The following HGSNAT variants were observed in gnomAD, a reference collection of about 807,000 sequenced individuals.
The protein encoded by HGSNAT is heparan-alpha-glucosaminide N-acetyltransferase.
A neutral mutation model predicts 85.2 loss-of-function variants in HGSNAT; 59 were observed. That is an observed-to-expected ratio of 0.69 (90% CI 0.56 to 0.86). The LOEUF is 0.86. HGSNAT is among the 40% of genes least tolerant of loss of function. The pLI is 0.00. For synonymous variants in HGSNAT, 321 were observed against 304.5 expected (o/e 1.05, Z -0.56); for missense variants, 756 against 777.1 (o/e 0.97, Z 0.32).
At chr8:43,160,779 C>T (rs896928955) in intron 4 of HGSNAT, among the ~76,000 whole-genome samples, 2 of 152,176 alleles carry the variant, frequency 1.3e-5, no homozygotes, top group Admixed American at 1.3e-4. Flanking sequence ...GAGGTAGGAT[C>T]CCACACTGCA....
chr8:43,152,408 G>A, intron 2 of HGSNAT, among the ~76,000 whole-genome samples: 1 of 152,108 alleles, frequency 6.6e-6, no homozygotes, highest in East Asian at 1.9e-4. Flanking sequence ...AAATACATAA[G>A]GTAGAAAATG....
chr8:43,146,990 C>G lies in HGSNAT; in HGVS notation c.161C>G (p.Ala54Gly), dbSNP rs564788750. The change falls in exon 2 of 18, where the codon GCT (alanine) becomes GGT (glycine). Residue 54 changes from alanine (A) to glycine (G), a missense_variant. Ala to Gly is a moderately conservative substitution (Grantham distance 60, BLOSUM62 0). Coordinates refer to ENST00000379644, the MANE Select transcript of HGSNAT (RefSeq NM_152419.3). Reference sequence around the variant, plus strand: ...CATGCAGAGCTGAAGATGGATCAGGCTTTGCTACTCATCCATAATGAACTT... The same window carrying G: ...CATGCAGAGCTGAAGATGGATCAGGGTTTGCTACTCATCCATAATGAACTT... ...KRHAELKMDQ[A>G]LLLIHNELLW... is the part of the protein sequence containing the mutation. 2 of 1,608,696 alleles carry G rather than the reference C, an allele frequency of 1.2e-6. No individual in the cohort carries two copies. The highest frequency in any genetic ancestry group is 1.7e-6 in the Non-Finnish European group (2 of 1,178,250).
At chr8:43,142,524 T>C (rs923668694) in intron 1 of HGSNAT, among the ~76,000 whole-genome samples, 3 of 152,142 alleles carry the variant, frequency 2.0e-5, no homozygotes, top group African/African-American at 7.2e-5. Flanking sequence ...AAAAAAGGTG[T>C]CAAAATCCGC....
At chr8:43,158,463 A>T in intron 2 of HGSNAT, 112 bp from the exon 3 acceptor site, 1 of 1,067,870 alleles carries the variant, frequency 9.4e-7, no homozygotes, top group Non-Finnish European at 1.4e-6. Flanking sequence ...GTTTTTTTAT[A>T]AGTATGAAGG....
rs1407769947 is a variant in HGSNAT, at chr8:43,180,093, G to T, written c.1012+1859G>T. ...CCCCCACCTCCCTCCCGGACGGGGC[G>T]GCTGGCCGACCCCCCCCCCCACCGC... On this transcript the variant is annotated intron_variant, in intron 10 of 17. Coordinates refer to ENST00000379644, the MANE Select transcript of HGSNAT (RefSeq NM_152419.3). Among the ~76,000 whole-genome samples the T allele has an allele frequency of 8.9e-4, 66 of 73,876 alleles. 14 individuals carry two copies. The highest frequency in any genetic ancestry group is 1.8e-3 in the Non-Finnish European group (55 of 30,742). 48.5% of individuals were successfully genotyped at this position (73,876 alleles called of 152,430 possible).
chr8:43,183,431 TG>T (rs1173840629), intron 11 of HGSNAT, among the ~76,000 whole-genome samples: 9 of 151,644 alleles, frequency 5.9e-5, no homozygotes, highest in African/African-American at 2.2e-4. Context: ...CCTCCCAAAA[TG>T]CTAGGACTAC....
chr8:43,198,534 G>A (rs1256795441), intron 17 of HGSNAT, among the ~76,000 whole-genome samples: 7 of 152,068 alleles, frequency 4.6e-5, no homozygotes, highest in African/African-American at 7.2e-5. Flanking sequence ...TGATCCGCCC[G>A]CCTCGGCCTC....
intron 10 of HGSNAT, among the ~76,000 whole-genome samples, chr8:43,179,319 C>T (rs1189607798): frequency 0.02 from 2,852 of 145,268 alleles, no homozygotes; most frequent in African/African-American, 0.073. Context: ...GGCGGCCGGG[C>T]AGAGGCGCCC....
intron 17 of HGSNAT, among the ~76,000 whole-genome samples, chr8:43,198,350 T>C (rs906050212): frequency 2.1e-5 from 3 of 146,242 alleles, no homozygotes; most frequent in South Asian, 2.2e-4. Flanking sequence ...TGCAGTGGTG[T>C]GATCTCGGCT....
chr8:43,169,347 A>G, intron 6 of HGSNAT, 105 bp downstream of exon 6: 1 of 717,280 alleles, frequency 1.4e-6, no homozygotes, highest in Non-Finnish European at 2.3e-6. Context: ...TATATTGAGG[A>G]AGGCCAGGTT....
chr8:43,182,532 A>G (rs993214465), intron 11 of HGSNAT: 3 of 446,240 alleles, frequency 6.7e-6, no homozygotes, highest in Non-Finnish European at 1.3e-5. Context: ...AAGCCTCAAC[A>G]TCCCAGGCTT....
At position 43,192,426 on chromosome 8, in the gene HGSNAT, C is replaced by G. The variant is rs1804571638; in HGVS notation, c.1373C>G (p.Ser458Cys). The G allele has an allele frequency of 2.5e-6, 4 of 1,609,012 alleles. No individual in the cohort carries two copies. Among genetic ancestry groups the G allele is most frequent in the Non-Finnish European group, 3.4e-6 (4 of 1,177,418 alleles). Reference protein sequence around the residue: ...GDDHLYQHPSSAVLYHTEVAY... With the variant: ...GDDHLYQHPSCAVLYHTEVAY... The stretch of plus-strand genomic sequence containing the variant: ...GATCACCTTTACCAGCACCCATCTT[C>G]TGCTGTGAGTGAGACTCGAGTTCGC... Residue 458 changes from serine (S) to cysteine (C), a missense_variant, in exon 13 of 18, where the codon TCT becomes TGT. Transcript: ENST00000379644.
intron 9 of HGSNAT, among the ~76,000 whole-genome samples, chr8:43,176,510 G>C (rs1310939791): frequency 2.6e-5 from 4 of 152,102 alleles, no homozygotes; most frequent in African/African-American, 7.2e-5. Context: ...TCTTGCTCAG[G>C]ATAACTTTGG....
intron 14 of HGSNAT, chr8:43,195,826 G>GT (rs1804710463): frequency 6.4e-6 from 1 of 156,106 alleles, no homozygotes; most frequent in South Asian, 1.9e-4. Context: ...TGTCTCAGGG[G>GT]TAACAGAGGC....
chr8:43,187,768 C>T (rs1010171504), intron 11 of HGSNAT, among the ~76,000 whole-genome samples: 4 of 152,190 alleles, frequency 2.6e-5, no homozygotes, highest in African/African-American at 9.7e-5. Context: ...CATGTTTTTG[C>T]AGTGTCTGGT....
intron 5 of HGSNAT, among the ~76,000 whole-genome samples, chr8:43,168,967 G>A (rs1424418242): frequency 1.3e-5 from 2 of 152,164 alleles, no homozygotes; most frequent in Non-Finnish European, 2.9e-5. Flanking sequence ...TATTGATGAG[G>A]AAACTATGCT....
intron 1 of HGSNAT, among the ~76,000 whole-genome samples, chr8:43,141,275 AG>A (rs1451978405): frequency 6.6e-6 from 1 of 152,070 alleles, no homozygotes; most frequent in African/African-American, 2.4e-5. Context: ...TTTTCCCTCC[AG>A]GGTGACTGGG....
chr8:43,197,075 A>C, intron 15 of HGSNAT, 50 bp downstream of exon 15: 1 of 1,246,514 alleles, frequency 8.0e-7, no homozygotes, highest in Non-Finnish European at 1.2e-6. Context: ...ACATGTATAG[A>C]TATTTAAAAG....
At chr8:43,171,991 A>G (rs1172913232) in intron 7 of HGSNAT, among the ~76,000 whole-genome samples, 1 of 152,196 alleles carries the variant, frequency 6.6e-6, no homozygotes, top group African/African-American at 2.4e-5. Flanking sequence ...AGACATCTAA[A>G]TAATTAGCAC....
Sources: gnomAD v4.1 joint callset for allele counts (sites outside exome capture counted in the v4.1 genomes callset) on GRCh38, gnomAD v4.1.1 for gene constraint, MANE v1.5 for transcripts, NCBI Gene and HGNC (gene_info 2026-07-23, HGNC 2026-07-21) for gene names.